The following DTYMK variants were observed in gnomAD, a reference collection of about 807,000 sequenced individuals.
DTYMK encodes the protein deoxythymidylate kinase.
Under a neutral mutation model 20.3 loss-of-function variants are expected in DTYMK, and 20 were observed. The ratio of observed to expected loss-of-function variants is 0.99; its 90% confidence interval spans 0.69 to 1.43. The LOEUF is 1.43. Ranked by LOEUF, DTYMK falls within the 40% of genes most tolerant of loss-of-function variation. DTYMK has a pLI of 0.00. For missense variants in DTYMK, 320 were observed against 291.1 expected, an observed-to-expected ratio of 1.10 and a Z score of -0.72; for synonymous variants, 148 against 124.4, an observed-to-expected ratio of 1.19 and a Z score of -1.27.
In DTYMK at chr2:241,676,059, G is replaced by A. The variant is rs2069106212; in HGVS notation, c.*68C>T. 1.4e-6 allele frequency: 2 copies of A among 1,453,486 alleles called. No individual in the cohort carries two copies. Among genetic ancestry groups the A allele is most frequent in the Non-Finnish European group, 1.9e-6 (2 of 1,072,666 alleles). 90.0% of individuals were successfully genotyped at this position (1,453,486 alleles called of 1,614,324 possible). A position where few individuals can be genotyped will look rare whatever the true frequency, so the allele number is the denominator to read the frequency against. ...GGGGTCTGGACTCTGCTGGGGACGGGGCCTTCCGCGAGTCTCCCACCTCTC... is the reference window on the plus strand; with the variant it reads ...GGGGTCTGGACTCTGCTGGGGACGGAGCCTTCCGCGAGTCTCCCACCTCTC... On this transcript the variant is annotated 3_prime_UTR_variant, in exon 5 of 5. Transcript: ENST00000305784.
At chr2:241,685,477 G>C in intron 2 of DTYMK, 1 of 232,780 alleles carries the variant, frequency 4.3e-6, no homozygotes, top group Non-Finnish European at 8.3e-6. Context: ...AGGTTGCAGT[G>C]AGCCGAGATC....
intron 4 of DTYMK, 114 bp downstream of exon 4, chr2:241,678,338 G>C: frequency 6.9e-7 from 1 of 1,453,676 alleles, no homozygotes; most frequent in Non-Finnish European, 9.4e-7. Flanking sequence ...CTCCACATCT[G>C]GGAGGACCAG....
chr2:241,677,873 G>A (rs895586870), intron 4 of DTYMK, among the ~76,000 whole-genome samples: 10 of 152,236 alleles, frequency 6.6e-5, no homozygotes, highest in Non-Finnish European at 1.2e-4. Flanking sequence ...ACAGGCTGGC[G>A]CTCGTGTCTG....
intron 4 of DTYMK, 149 bp from the exon 5 acceptor site, chr2:241,676,386 A>G: frequency 1.5e-6 from 1 of 668,850 alleles, no homozygotes; most frequent in Non-Finnish European, 2.5e-6. Context: ...CCTGGGCTAC[A>G]CAGGGACACC....
chr2:241,678,386 A>C lies in DTYMK; in HGVS notation c.528+66T>G, dbSNP rs1006933842. ...GCAGCTTTGCTGACACAACTGTGCC[A>C]GCCACCACGGTGTCATCCTGAGCCA... On this transcript the variant is annotated intron_variant, in intron 4 of 4. Transcript: ENST00000305784. The C allele has an allele frequency of 1.3e-5, 21 of 1,599,666 alleles. 1 individual carries two copies. The South Asian group carries it at 2.2e-4, about 17-fold the overall frequency.
In DTYMK at chr2:241,677,387, G is replaced by T. The variant is rs140783340; in HGVS notation, c.528+1065C>A. ...AGAGAATGCCGCACTGCCAGAAAAG[G>T]GCACTGCTATCCCACCTGCGTTCCG... On this transcript the variant is annotated intron_variant, in intron 4 of 4. Coordinates refer to ENST00000305784, the MANE Select transcript of DTYMK (RefSeq NM_012145.4). Among the ~76,000 whole-genome samples, 34 of 152,346 alleles carry T rather than the reference G, an allele frequency of 2.2e-4. No individual in the cohort carries two copies. In the Middle Eastern group the frequency reaches 0.014, roughly 61 times the overall value.
At position 241,676,345 on chromosome 2, in the gene DTYMK, G is replaced by A. The variant is rs374267873; in HGVS notation, c.529-108C>T. On this transcript the variant is annotated intron_variant, in intron 4 of 4. Coordinates refer to ENST00000305784, the MANE Select transcript of DTYMK (RefSeq NM_012145.4). Reference sequence around the variant, plus strand: ...AGCACTTTGGGAGGCCCACGAGGGAGGACTGCTTGTACCCAGGAGTTCAAG... The same window carrying A: ...AGCACTTTGGGAGGCCCACGAGGGAAGACTGCTTGTACCCAGGAGTTCAAG... The A allele has an allele frequency of 2.9e-5, 30 of 1,026,846 alleles. No homozygotes were observed. The African/African-American group carries it at 4.2e-4, about 14-fold the overall frequency. The allele number at this position is 1,026,846 out of a possible 1,614,324, so 63.6% of individuals were successfully genotyped here. A position where few individuals can be genotyped will look rare whatever the true frequency, so the allele number is the denominator to read the frequency against.
At chr2:241,686,612 G>C in intron 1 of DTYMK, 42 bp downstream of exon 1, 1 of 1,466,612 alleles carries the variant, frequency 6.8e-7, no homozygotes, top group Non-Finnish European at 8.9e-7. Context: ...GGAAGGCAGA[G>C]GCACCGAAGG....
At position 241,676,255 on chromosome 2, in the gene DTYMK, T is replaced by G; in HGVS notation, c.529-18A>C. ...TCCACCATCTGTTCCCACCGGGGTT[T>G]CAGGAGAAAAAGAGGCTCATCAGCA... On this transcript the variant is annotated intron_variant, in intron 4 of 4. Coordinates refer to ENST00000305784, the MANE Select transcript of DTYMK (RefSeq NM_012145.4). 1.2e-6 allele frequency: 2 copies of G among 1,602,768 alleles called. No individual in the cohort carries two copies. The highest frequency in any genetic ancestry group is 1.7e-6 in the Non-Finnish European group (2 of 1,175,258).
intron 2 of DTYMK, chr2:241,685,077 G>A (rs914519510): frequency 5.8e-6 from 1 of 171,586 alleles, no homozygotes. Flanking sequence ...ATGCCCCTAT[G>A]GCCCTAAGCT....
At chr2:241,682,368 A>C (rs2069277931) in intron 2 of DTYMK, 1 of 366,420 alleles carries the variant, frequency 2.7e-6, no homozygotes, top group African/African-American at 2.2e-5. Flanking sequence ...GAGTGAGAAA[A>C]CAGAAAAGGC....
rs942012561 is a variant in DTYMK, at chr2:241,685,821, C to T, written c.187G>A (p.Val63Met). The T allele has an allele frequency of 2.5e-6, 4 of 1,614,074 alleles. No homozygotes were observed. Among genetic ancestry groups the T allele is most frequent in the Admixed American group, 1.7e-5 (1 of 60,002 alleles). ...LSSYLQKKSDVEDHSVHLLFS... is the reference protein window; with the variant it reads ...LSSYLQKKSDMEDHSVHLLFS... ...AGCAGGTGCACCGAGTGATCCTCCA[C>T]GTCACTTTTCTTTTGCAAGTAGGAA... Residue 63 changes from valine (V) to methionine (M), a missense_variant, in exon 2 of 5, where the codon GTG becomes ATG. Physicochemically the swap from Val to Met is conservative, Grantham distance 21 (BLOSUM62 1). Transcript: ENST00000305784.
intron 2 of DTYMK, among the ~76,000 whole-genome samples, chr2:241,680,620 C>T (rs538461230): frequency 7.9e-5 from 12 of 152,122 alleles, no homozygotes; most frequent in African/African-American, 2.9e-4. Flanking sequence ...TTGCAGTGAG[C>T]CGAGATCACA....
intron 2 of DTYMK, among the ~76,000 whole-genome samples, chr2:241,683,761 A>T (rs113244475): frequency 2.0e-5 from 3 of 152,308 alleles, no homozygotes; most frequent in African/African-American, 7.2e-5. Context: ...TAGGGCAAAA[A>T]AGACATGAAC....
Position 241,685,782 on chromosome 2 carries a change from G to A in DTYMK, c.226C>T (p.Arg76Cys). 1 of 1,614,030 alleles carries A rather than the reference G, an allele frequency of 6.2e-7. No homozygotes were observed. The highest frequency in any genetic ancestry group is 8.5e-7 in the Non-Finnish European group (1 of 1,179,910). ...AATGGTTTTTACACTTGTTCCCAGC[G>A]ATTTGCAGAAAAAAGCAGGTGCACC... ...HSVHLLFSAN[R>C]WEQVPLIKEK... is the part of the protein sequence containing the mutation. Residue 76 changes from arginine to cysteine, a missense_variant, in exon 2 of 5, where the codon CGC (arginine) becomes TGC (cysteine). Coordinates refer to ENST00000305784, the MANE Select transcript of DTYMK (RefSeq NM_012145.4).
chr2:241,685,662 G>T, intron 2 of DTYMK, 107 bp downstream of exon 2: 1 of 1,200,078 alleles, frequency 8.3e-7, no homozygotes, highest in South Asian at 1.3e-5. Flanking sequence ...AGAACATCAG[G>T]CCCAGCACTA....
intron 4 of DTYMK, 118 bp downstream of exon 4, chr2:241,678,334 A>G (rs1413358475): frequency 3.5e-6 from 5 of 1,427,752 alleles, no homozygotes; most frequent in African/African-American, 1.4e-5. Context: ...GGGGCTCCAC[A>G]TCTGGGAGGA....
intron 3 of DTYMK, 43 bp from the exon 4 acceptor site, chr2:241,678,692 G>C: frequency 1.3e-6 from 2 of 1,597,100 alleles, no homozygotes; most frequent in Admixed American, 3.5e-5. Context: ...GTGTAGTCTA[G>C]GTTTTTGTTT....
chr2:241,682,112 G>C (rs1291763470), intron 2 of DTYMK: 1 of 368,698 alleles, frequency 2.7e-6, no homozygotes, highest in Non-Finnish European at 5.4e-6. Context: ...ACCAAGGCAG[G>C]AGGACTGCTT....
Sources: gnomAD v4.1 joint callset for allele counts (sites outside exome capture counted in the v4.1 genomes callset) on GRCh38, gnomAD v4.1.1 for gene constraint, MANE v1.5 for transcripts, NCBI Gene and HGNC (gene_info 2026-07-23, HGNC 2026-07-21) for gene names.